SLC35F3: variants seen among roughly 807,000 people sequenced by gnomAD.
SLC35F3 encodes the protein solute carrier family 35 member F3.
In SLC35F3, 25 loss-of-function variants were observed where a neutral mutation model predicts 49.9. The observed-to-expected ratio is 0.50, with a 90% CI of 0.37 to 0.70. SLC35F3 has a LOEUF of 0.70. SLC35F3 is among the 30% of genes least tolerant of loss of function. SLC35F3 has a pLI of 0.00. For missense variants in SLC35F3, 525 were observed against 639.8 expected, an observed-to-expected ratio of 0.82 and a Z score of 1.94; for synonymous variants, 275 against 265.4, an observed-to-expected ratio of 1.04 and a Z score of -0.35.
intron 2 of SLC35F3, among the ~76,000 whole-genome samples, chr1:234,019,074 C>T (rs1453392846): frequency 6.6e-6 from 1 of 152,218 alleles, no homozygotes; most frequent in East Asian, 1.9e-4. Flanking sequence ...AGGATGTGCC[C>T]AGCACATGTC....
intron 2 of SLC35F3, among the ~76,000 whole-genome samples, chr1:233,912,580 C>T (rs888105881): frequency 2.0e-5 from 3 of 152,130 alleles, no homozygotes; most frequent in Admixed American, 2.0e-4. Flanking sequence ...ACAGTAGTCC[C>T]GCTTTATCGG....
chr1:234,302,898 C>T (rs1172294013), intron 3 of SLC35F3, among the ~76,000 whole-genome samples: 1 of 152,122 alleles, frequency 6.6e-6, no homozygotes, highest in African/African-American at 2.4e-5. Flanking sequence ...AATGCATGCA[C>T]ATACTCTGGA....
At chr1:233,937,941 G>A (rs1303670497) in intron 2 of SLC35F3, among the ~76,000 whole-genome samples, 4 of 152,146 alleles carry the variant, frequency 2.6e-5, no homozygotes, top group East Asian at 1.9e-4. Flanking sequence ...AGGTAGTGAT[G>A]TCCGTTAATT....
chr1:234,288,286 C>G (rs1044563658), intron 3 of SLC35F3, among the ~76,000 whole-genome samples: 1 of 152,088 alleles, frequency 6.6e-6, no homozygotes, highest in Admixed American at 6.5e-5. Context: ...GGAGCAGCTG[C>G]GAAAACAAAG....
intron 2 of SLC35F3, among the ~76,000 whole-genome samples, chr1:233,945,407 A>G (rs1306855200): frequency 6.6e-6 from 1 of 152,218 alleles, no homozygotes; most frequent in Non-Finnish European, 1.5e-5. Flanking sequence ...ATTTTTAAGA[A>G]GCAATAAGCT....
intron 2 of SLC35F3, among the ~76,000 whole-genome samples, chr1:234,200,611 A>G (rs1666888560): frequency 2.6e-5 from 4 of 152,164 alleles, no homozygotes. Flanking sequence ...TTTATTTCTT[A>G]AAATTAAGTA....
intron 3 of SLC35F3, among the ~76,000 whole-genome samples, chr1:234,297,903 C>A (rs1351717179): frequency 1.3e-5 from 2 of 152,104 alleles, no homozygotes; most frequent in Non-Finnish European, 2.9e-5. Flanking sequence ...CAGTAGAGTG[C>A]CTATAGCTAC....
chr1:233,904,695 C>G lies in SLC35F3; in HGVS notation c.-383C>G, dbSNP rs1490716239. Among the ~76,000 whole-genome samples, 2 of 151,868 alleles carry G rather than the reference C, an allele frequency of 1.3e-5. No homozygotes were observed. Among genetic ancestry groups the G allele is most frequent in the African/African-American group, 4.8e-5 (2 of 41,408 alleles). ...CGCCCCGACCCGACGCCTCCCCGCC[C>G]GACCAGGTGCCTCGAGAGCGCACAG... On this transcript the variant is annotated 5_prime_UTR_variant, in exon 1 of 8. Coordinates refer to ENST00000366618, the MANE Select transcript of SLC35F3 (RefSeq NM_173508.4).
chr1:234,226,961 G>GCACGCACACACACA (rs1553316746), intron 2 of SLC35F3, among the ~76,000 whole-genome samples: 3,512 of 148,676 alleles, frequency 0.024, 61 homozygotes, highest in Non-Finnish European at 0.038. Context: ...GCGCACGCGT[G>GCACGCACACACACA]CACACACACA....
chr1:234,282,000 G>T (rs1037957005), intron 3 of SLC35F3, among the ~76,000 whole-genome samples: 1 of 151,778 alleles, frequency 6.6e-6, no homozygotes, highest in Admixed American at 6.6e-5. Context: ...TCCAAAGCAC[G>T]CATGTCCCCT....
chr1:234,314,513 C>G (rs1236105949), intron 4 of SLC35F3, among the ~76,000 whole-genome samples: 1 of 152,196 alleles, frequency 6.6e-6, no homozygotes, highest in Non-Finnish European at 1.5e-5. Context: ...ATAATCCCAA[C>G]ACTTTGGAAA....
At chr1:234,067,425 G>T (rs1664638286) in intron 2 of SLC35F3, among the ~76,000 whole-genome samples, 1 of 152,072 alleles carries the variant, frequency 6.6e-6, no homozygotes, top group Non-Finnish European at 1.5e-5. Flanking sequence ...TCTGAGCAAG[G>T]GTGTGGTGGA....
At chr1:234,042,914 T>C (rs77584667) in intron 2 of SLC35F3, among the ~76,000 whole-genome samples, 11,297 of 152,248 alleles carry the variant, frequency 0.074, 667 homozygotes, top group East Asian at 0.25. Context: ...TCACACCCCA[T>C]TGAAAACTTC....
At chr1:233,924,002 T>C (rs1290088638) in intron 2 of SLC35F3, among the ~76,000 whole-genome samples, 1 of 152,186 alleles carries the variant, frequency 6.6e-6, no homozygotes, top group Non-Finnish European at 1.5e-5. Flanking sequence ...GCCAACTCGA[T>C]CGTGGTGGAT....
chr1:234,248,742 T>C (rs1186865248), intron 3 of SLC35F3, among the ~76,000 whole-genome samples: 1 of 152,208 alleles, frequency 6.6e-6, no homozygotes, highest in Non-Finnish European at 1.5e-5. Context: ...AGCCCCAAGA[T>C]ACAAATCTGT....
rs369232500 is a variant in SLC35F3, at chr1:234,174,695, A to G, written c.284-56722A>G. On this transcript the variant is annotated intron_variant, in intron 2 of 7. Coordinates refer to ENST00000366618, the MANE Select transcript of SLC35F3 (RefSeq NM_173508.4). ...CCCAACCAGAGATCCGGCAGAAAGC[A>G]CATCCCTGGAGAAAACACAGAAGAA... 3.4e-4 allele frequency among the ~76,000 whole-genome samples: 52 copies of G among 152,368 alleles called. 1 individual carries two copies. In the South Asian group the frequency reaches 9.9e-3, roughly 29 times the overall value.
chr1:234,127,952 C>A (rs976096165), intron 2 of SLC35F3, among the ~76,000 whole-genome samples: 1 of 152,172 alleles, frequency 6.6e-6, no homozygotes, highest in African/African-American at 2.4e-5. Context: ...TGAAAATTAT[C>A]TGTCCATTGC....
intron 2 of SLC35F3, among the ~76,000 whole-genome samples, chr1:234,182,713 C>A (rs761154307): frequency 3.9e-5 from 6 of 152,194 alleles, no homozygotes; most frequent in Non-Finnish European, 4.4e-5. Context: ...CATTTCCCCA[C>A]AGCATTGCTA....
At chr1:233,917,572 A>G (rs1281989662) in intron 2 of SLC35F3, among the ~76,000 whole-genome samples, 3 of 152,170 alleles carry the variant, frequency 2.0e-5, no homozygotes, top group Admixed American at 6.5e-5. Flanking sequence ...TTCCAGCTCT[A>G]AAAAAGCTAG....
Sources: gnomAD v4.1 joint callset for allele counts (sites outside exome capture counted in the v4.1 genomes callset) on GRCh38, gnomAD v4.1.1 for gene constraint, MANE v1.5 for transcripts, NCBI Gene and HGNC (gene_info 2026-07-23, HGNC 2026-07-21) for gene names.